DIP2B: variants seen among roughly 807,000 people sequenced by gnomAD.
DIP2B encodes the protein disco-interacting protein 2 homolog B.
A neutral mutation model predicts 198.0 loss-of-function variants in DIP2B; 76 were observed. That is an observed-to-expected ratio of 0.38 (90% CI 0.32 to 0.46). The LOEUF is 0.46. Among genes scored for constraint, DIP2B ranks in the 20% least tolerant of loss-of-function variants. The pLI is 0.99. For synonymous variants in DIP2B, 701 were observed against 739.1 expected, an observed-to-expected ratio of 0.95 and a Z score of 0.84; for missense variants, 1,559 against 1,978.4, an observed-to-expected ratio of 0.79 and a Z score of 4.02.
chr12:50,523,905 A>G (rs1958141323), intron 1 of DIP2B, among the ~76,000 whole-genome samples: 1 of 152,198 alleles, frequency 6.6e-6, no homozygotes, highest in Non-Finnish European at 1.5e-5. Flanking sequence ...TTATCCTGTC[A>G]GGAGGAGTAC....
rs1940352630 is a variant in DIP2B, at chr12:50,747,232, A to AGAAT, written c.*2395_*2396insATGA. ...AAATGTGACTAGTGGCTACCATATT[A>AGAAT]GACAGTGCAGATCTATACTCATTCC... On this transcript the variant is annotated 3_prime_UTR_variant, in exon 38 of 38. Transcript: ENST00000301180. 6.6e-6 allele frequency: 1 copy of AGAAT among 152,202 alleles called. No individual in the cohort carries two copies. The highest frequency in any genetic ancestry group is 1.5e-5 in the Non-Finnish European group (1 of 68,036). The allele number at this position is 152,202 out of a possible 1,614,324, so 9.4% of individuals were successfully genotyped here.
At chr12:50,639,010 A>G (rs1938208035) in intron 2 of DIP2B, among the ~76,000 whole-genome samples, 1 of 151,868 alleles carries the variant, frequency 6.6e-6, no homozygotes, top group Non-Finnish European at 1.5e-5. Flanking sequence ...GGGGTGTTCA[A>G]CCTGTATGTT....
intron 1 of DIP2B, among the ~76,000 whole-genome samples, chr12:50,570,902 C>T (rs969987668): frequency 8.5e-5 from 13 of 152,104 alleles, no homozygotes; most frequent in Non-Finnish European, 1.9e-4. Context: ...ATTTTGGCTT[C>T]ATTTTTTCAA....
At chr12:50,539,332 A>G (rs932038221) in intron 1 of DIP2B, among the ~76,000 whole-genome samples, 2 of 151,622 alleles carry the variant, frequency 1.3e-5, no homozygotes, top group Non-Finnish European at 2.9e-5. Flanking sequence ...GAATATATAT[A>G]AAGTGTATGC....
At chr12:50,578,349 T>TTTTG (rs58954148) in intron 1 of DIP2B, among the ~76,000 whole-genome samples, 6 of 151,604 alleles carry the variant, frequency 4.0e-5, no homozygotes, top group African/African-American at 1.5e-4. Flanking sequence ...TACATCTTTT[T>TTTTG]TTTGTTTGTT....
chr12:50,660,152 C>G (rs1203408341), intron 3 of DIP2B, 42 bp from the exon 4 acceptor site: 2 of 1,544,242 alleles, frequency 1.3e-6, no homozygotes, highest in Non-Finnish European at 8.7e-7. Context: ...TAAACACTTT[C>G]AAGAGCCGGA....
intron 20 of DIP2B, among the ~76,000 whole-genome samples, chr12:50,704,461 A>G (rs1274732885): frequency 2.0e-5 from 3 of 152,236 alleles, no homozygotes; most frequent in Non-Finnish European, 4.4e-5. Context: ...CGCTGAGATC[A>G]GAAGACATGA....
At chr12:50,624,610 G>A (rs942812298) in intron 1 of DIP2B, among the ~76,000 whole-genome samples, 10 of 152,148 alleles carry the variant, frequency 6.6e-5, no homozygotes, top group Non-Finnish European at 1.0e-4. Context: ...GGGATTACAG[G>A]CATGAGCCAC....
intron 1 of DIP2B, among the ~76,000 whole-genome samples, chr12:50,590,180 G>A (rs1198624085): frequency 6.6e-6 from 1 of 150,704 alleles, no homozygotes; most frequent in East Asian, 1.9e-4. Context: ...TTAATTTTAT[G>A]TAGAGGTGGG....
chr12:50,519,220 A>G (rs998048957), intron 1 of DIP2B, among the ~76,000 whole-genome samples: 8 of 152,218 alleles, frequency 5.3e-5, no homozygotes, highest in Non-Finnish European at 1.2e-4. Context: ...GGTTTCCTTC[A>G]TACCAGTATA....
At chr12:50,669,024 T>C (rs2139521708) in intron 4 of DIP2B, among the ~76,000 whole-genome samples, 1 of 152,352 alleles carries the variant, frequency 6.6e-6, no homozygotes. Context: ...ATCTGGTCAC[T>C]ATTTATCTCT....
intron 1 of DIP2B, among the ~76,000 whole-genome samples, chr12:50,511,751 C>T (rs1251211176): frequency 6.6e-6 from 1 of 151,550 alleles, no homozygotes; most frequent in African/African-American, 2.4e-5. Context: ...AGATCAAGAC[C>T]ATCCTGGCCA....
chr12:50,706,673 G>A lies in DIP2B; in HGVS notation c.2534+8G>A. ...GACTGTTTATAGAGGAAGGTGAGTA[G>A]TACAAAATTCAAATGTTAGCACCTT... On this transcript the variant is annotated splice_region_variant and intron_variant, in intron 21 of 37. Transcript: ENST00000301180. 2 of 1,613,376 alleles carry A rather than the reference G, an allele frequency of 1.2e-6. No individual in the cohort carries two copies. Among genetic ancestry groups the A allele is most frequent in the Non-Finnish European group, 1.7e-6 (2 of 1,179,642 alleles).
At chr12:50,700,834 T>C (rs2139560966) in intron 19 of DIP2B, among the ~76,000 whole-genome samples, 1 of 152,346 alleles carries the variant, frequency 6.6e-6, no homozygotes, top group African/African-American at 2.4e-5. Flanking sequence ...TTTACCTCCC[T>C]TGAGTGTATA....
At chr12:50,651,897 AG>A (rs1250303965) in intron 3 of DIP2B, among the ~76,000 whole-genome samples, 3 of 152,092 alleles carry the variant, frequency 2.0e-5, no homozygotes, top group Admixed American at 6.5e-5. Flanking sequence ...AAGGAAATAA[AG>A]GCCAGGTGCG....
At chr12:50,723,349 G>A (rs1445250709) in intron 27 of DIP2B, 26 bp downstream of exon 27, 1 of 1,611,768 alleles carries the variant, frequency 6.2e-7, no homozygotes, top group Non-Finnish European at 8.5e-7. Context: ...ATCTTGCCTT[G>A]TCCTCATCTC....
rs186933945 is a variant in DIP2B at position 50,548,100 on chromosome 12, A to G, written c.100+42860A>G. Among the ~76,000 whole-genome samples, 725 of 152,266 alleles carry G rather than the reference A, an allele frequency of 4.8e-3. 5 individuals are homozygous for G. The highest frequency in any genetic ancestry group is 8.8e-3 in the Non-Finnish European group (596 of 68,014). On this transcript the variant is annotated intron_variant, in intron 1 of 37. Coordinates refer to ENST00000301180, the MANE Select transcript of DIP2B (RefSeq NM_173602.3). The stretch of plus-strand genomic sequence containing the variant: ...GAATAAAAATAAATAAAATGTGTAT[A>G]TATTTTTATACATAGGAAAAACGCA...
At chr12:50,617,068 A>C (rs1937712472) in intron 1 of DIP2B, among the ~76,000 whole-genome samples, 1 of 152,216 alleles carries the variant, frequency 6.6e-6, no homozygotes, top group Non-Finnish European at 1.5e-5. Context: ...AAAGGATAGA[A>C]TAGGATGATT....
rs1458094279 is a variant in DIP2B, at chr12:50,693,121, A to G, written c.1719+108A>G. On this transcript the variant is annotated intron_variant, in intron 14 of 37. Coordinates refer to ENST00000301180, the MANE Select transcript of DIP2B (RefSeq NM_173602.3). ...GTGCTTGTTTGAAATTTAAATCCCC[A>G]AAAGGTCAGTAATATTTTCCAGAGG... 1.2e-5 allele frequency: 13 copies of G among 1,078,230 alleles called. No homozygotes were observed. The South Asian group carries it at 1.9e-4, about 15-fold the overall frequency. The allele number at this position is 1,078,230 out of a possible 1,614,324, so 66.8% of individuals were successfully genotyped here.
Sources: gnomAD v4.1 joint callset for allele counts (sites outside exome capture counted in the v4.1 genomes callset) on GRCh38, gnomAD v4.1.1 for gene constraint, MANE v1.5 for transcripts, NCBI Gene and HGNC (gene_info 2026-07-23, HGNC 2026-07-21) for gene names.